The following CSRP1 variants were observed in gnomAD, a reference collection of about 807,000 sequenced individuals.
CSRP1 encodes cysteine and glycine rich protein 1, also known as cysteine and glycine-rich protein 1.
A neutral mutation model predicts 25.4 loss-of-function variants in CSRP1; 16 were observed. The observed-to-expected ratio is 0.63, with a 90% confidence interval of 0.43 to 0.96. CSRP1 has a LOEUF of 0.96. CSRP1 is among the 40% of genes least tolerant of loss of function. The pLI is 0.00. For missense variants in CSRP1, 212 were observed against 243.6 expected, an observed-to-expected ratio of 0.87 and a Z score of 0.86; for synonymous variants, 97 against 95.3, an observed-to-expected ratio of 1.02 and a Z score of -0.10.
chr1:201,500,210 G>A (rs573042896), intron 1 of CSRP1, among the ~76,000 whole-genome samples: 2 of 152,308 alleles, frequency 1.3e-5, no homozygotes, highest in Admixed American at 1.3e-4. Context: ...TGAACCAGCA[G>A]GGGACATACT....
At chr1:201,485,131 T>A (rs1329281496) in intron 5 of CSRP1, 152 bp downstream of exon 5, 3 of 737,278 alleles carry the variant, frequency 4.1e-6, no homozygotes, top group African/African-American at 1.7e-5. Flanking sequence ...TCTGGTCTTG[T>A]TTCCTCATCT....
chr1:201,487,375 G>A (rs1664182927), intron 4 of CSRP1: 2 of 153,190 alleles, frequency 1.3e-5, no homozygotes, highest in Admixed American at 6.5e-5. Context: ...CTGTACTCCA[G>A]CCTAGGTGAC....
chr1:201,488,020 A>G (rs1257471368), intron 4 of CSRP1: 2 of 152,266 alleles, frequency 1.3e-5, no homozygotes, highest in Non-Finnish European at 2.9e-5. Context: ...CAGACATTCC[A>G]TAACCTTGTT....
intron 2 of CSRP1, chr1:201,491,749 A>C (rs1225076089): frequency 6.6e-6 from 1 of 152,228 alleles, no homozygotes; most frequent in Non-Finnish European, 1.5e-5. Context: ...GGAGTTCAGC[A>C]TCTCAGTTGG....
rs10676830 is a variant in CSRP1 at position 201,501,992 on chromosome 1, A to AAAATAAATAAAT, written c.-2+5066_-2+5077dup. Among the ~76,000 whole-genome samples, 528 of 144,532 alleles carry AAAATAAATAAAT rather than the reference A, an allele frequency of 3.7e-3. 8 individuals carry two copies. The highest frequency in any genetic ancestry group is 0.035 in the East Asian group (169 of 4,826). 94.8% of individuals were successfully genotyped at this position (144,532 alleles called of 152,430 possible). ...GGGCAATAAAGCAATACTCAGTCTC[A>AAAATAAATAAAT]AAATAAATAAATAAATAAATAAATA... On this transcript the variant is annotated intron_variant, in intron 1 of 5. Coordinates refer to ENST00000340006, the MANE Select transcript of CSRP1 (RefSeq NM_004078.3).
chr1:201,502,102 T>C (rs983056330), intron 1 of CSRP1, among the ~76,000 whole-genome samples: 2 of 152,152 alleles, frequency 1.3e-5, no homozygotes, highest in Non-Finnish European at 2.9e-5. Flanking sequence ...GCCACCAGTG[T>C]CTGAAGGCAA....
intron 1 of CSRP1, among the ~76,000 whole-genome samples, chr1:201,503,291 G>T (rs1664719659): frequency 6.6e-6 from 1 of 152,176 alleles, no homozygotes; most frequent in Non-Finnish European, 1.5e-5. Context: ...CTTTTATCCA[G>T]ATCTGTAATG....
chr1:201,491,568 A>G (rs758346242), intron 2 of CSRP1: 5 of 152,198 alleles, frequency 3.3e-5, no homozygotes, highest in Non-Finnish European at 7.3e-5. Context: ...TCTTATTAGT[A>G]TTATATAAAG....
At chr1:201,489,223 C>G in intron 3 of CSRP1, 2 of 407,848 alleles carry the variant, frequency 4.9e-6, no homozygotes. Context: ...CCAGTTAACC[C>G]CAGAATCATT....
At chr1:201,496,460 G>C (rs578070214) in intron 1 of CSRP1, 156 bp from the exon 2 acceptor site, 347 of 648,296 alleles carry the variant, frequency 5.4e-4, no homozygotes, top group Non-Finnish European at 7.9e-4. Context: ...CTTTCTGCTA[G>C]CTCTCGACAG....
At chr1:201,499,970 C>T (rs970824204) in intron 1 of CSRP1, among the ~76,000 whole-genome samples, 3 of 152,116 alleles carry the variant, frequency 2.0e-5, no homozygotes, top group Non-Finnish European at 4.4e-5. Flanking sequence ...AATGTATGCC[C>T]ACCTTACAGA....
chr1:201,495,975 C>T (rs1664497061), intron 2 of CSRP1: 1 of 471,108 alleles, frequency 2.1e-6, no homozygotes, highest in Non-Finnish European at 3.7e-6. Flanking sequence ...CGCCTGCCAC[C>T]CCGACCCGCT....
intron 4 of CSRP1, chr1:201,486,254 C>T (rs1458927309): frequency 2.6e-6 from 2 of 756,052 alleles, no homozygotes; most frequent in African/African-American, 1.9e-5. Context: ...AGTTTGTACA[C>T]AGTGATGGGA....
In CSRP1 at chr1:201,488,934, T is replaced by C; in HGVS notation, c.332A>G (p.Gln111Arg). ...TTNPNASKFAQKIGGSERCPR... is the reference protein window; with the variant it reads ...TTNPNASKFARKIGGSERCPR... ...GCAGCGCTCGGAGCCACCAATCTTCTGGGCAAATTTGGATGCATTGGGGTT... is the reference window on the plus strand; with the variant it reads ...GCAGCGCTCGGAGCCACCAATCTTCCGGGCAAATTTGGATGCATTGGGGTT... The change falls in exon 4 of 6, where the codon CAG becomes CGG. Residue 111 changes from glutamine to arginine, a missense_variant. By Grantham distance (43) the Gln-to-Arg change is conservative. Coordinates refer to ENST00000340006, the MANE Select transcript of CSRP1 (RefSeq NM_004078.3). The C allele has an allele frequency of 6.2e-7, 1 of 1,614,146 alleles. No individual in the cohort carries two copies.
At position 201,496,202 on chromosome 1, in the gene CSRP1, G is replaced by A. The variant is rs2102411240; in HGVS notation, c.102C>T (p.Cys34=). ...QCEGNSFHKS[C]FLCMVCKKNL... ...CTGGGGCGTACTCACTGCACAGGAA[G>A]CAGGATTTATGGAAGCTGTTGCCTT... Residue 34 remains cysteine (C), a synonymous_variant, in exon 2 of 6, where the codon TGC becomes TGT. Coordinates refer to ENST00000340006, the MANE Select transcript of CSRP1 (RefSeq NM_004078.3). The A allele has an allele frequency of 6.2e-7, 1 of 1,613,960 alleles. No individual in the cohort carries two copies. The highest frequency in any genetic ancestry group is 2.2e-5 in the East Asian group (1 of 44,890).
chr1:201,500,207 G>T (rs888222457), intron 1 of CSRP1, among the ~76,000 whole-genome samples: 2 of 152,194 alleles, frequency 1.3e-5, no homozygotes, highest in Non-Finnish European at 2.9e-5. Context: ...CCCTGAACCA[G>T]CAGGGGACAT....
In CSRP1 at chr1:201,484,064, G is replaced by A. The variant is rs543055806; in HGVS notation, c.*649C>T. On this transcript the variant is annotated 3_prime_UTR_variant, in exon 6 of 6. Transcript: ENST00000340006. ...AACATCCTGACTTTGGGGTCCTTAAGACCTGGGTTATTCTCCTCCCAGTCC... is the reference window on the plus strand; with the variant it reads ...AACATCCTGACTTTGGGGTCCTTAAAACCTGGGTTATTCTCCTCCCAGTCC... 5 of 694,358 alleles carry A rather than the reference G, an allele frequency of 7.2e-6. No individual in the cohort carries two copies. Among genetic ancestry groups the A allele is most frequent in the African/African-American group, 7.0e-5 (4 of 57,278 alleles). The allele number at this position is 694,358 out of a possible 1,614,324, so 43.0% of individuals were successfully genotyped here.
rs1231432686 is a variant in CSRP1 at position 201,483,941 on chromosome 1, T to C, written c.*772A>G. On this transcript the variant is annotated 3_prime_UTR_variant, in exon 6 of 6. Transcript: ENST00000340006. Reference sequence around the variant, plus strand: ...AGCCAGGGTTAAGGCCAGAGATAAATGAAGATTTGAGCCATTGATAAATGC... The same window carrying C: ...AGCCAGGGTTAAGGCCAGAGATAAACGAAGATTTGAGCCATTGATAAATGC... 8.9e-6 allele frequency: 6 copies of C among 674,606 alleles called. No individual in the cohort carries two copies. Among genetic ancestry groups the C allele is most frequent in the Non-Finnish European group, 1.4e-5 (5 of 362,758 alleles). The allele number at this position is 674,606 out of a possible 1,614,324, so 41.8% of individuals were successfully genotyped here.
intron 1 of CSRP1, among the ~76,000 whole-genome samples, chr1:201,499,219 C>T (rs576337545): frequency 1.3e-5 from 2 of 152,346 alleles, no homozygotes; most frequent in South Asian, 4.1e-4. Context: ...GAACAGCAAT[C>T]AGCAATGTGT....
Sources: allele counts gnomAD v4.1 joint callset (sites outside exome capture counted in the v4.1 genomes callset), GRCh38; gene constraint gnomAD v4.1.1; transcripts MANE v1.5; gene names NCBI Gene and HGNC (gene_info 2026-07-23, HGNC 2026-07-21).